Variants in BMAL1 observed in about 807,000 individuals in gnomAD.
The protein encoded by BMAL1 is basic helix-loop-helix ARNT like 1, also known as basic helix-loop-helix ARNT-like protein 1.
the BMAL1 span, among the ~76,000 whole-genome samples, chr11:13,298,565 A>C: frequency 6.6e-6 from 1 of 152,128 alleles, no homozygotes. Context: ...AGCTTGATGC[A>C]GGCAGGCACC....
the BMAL1 span, chr11:13,366,809 C>T: frequency 1.3e-6 from 2 of 1,588,908 alleles, no homozygotes; most frequent in South Asian, 1.1e-5. Context: ...CCTCGCATTT[C>T]CTCAGCAGCC....
At chr11:13,380,853 A>G in the BMAL1 span, 2 of 235,056 alleles carry the variant, frequency 8.5e-6, no homozygotes, top group Non-Finnish European at 1.7e-5. Context: ...GCTTGACTCT[A>G]GGGACTGCAT....
chr11:13,360,375 A>G, the BMAL1 span: 2 of 1,613,956 alleles, frequency 1.2e-6, no homozygotes, highest in Admixed American at 3.3e-5. Context: ...GAAGCAAACT[A>G]CAAACCAACT....
At chr11:13,342,189 G>C in the BMAL1 span, among the ~76,000 whole-genome samples, 1 of 152,326 alleles carries the variant, frequency 6.6e-6, no homozygotes, top group South Asian at 2.1e-4. Flanking sequence ...AAAAATTCCT[G>C]GTTCTGGGAC....
chr11:13,368,012 A>T, the BMAL1 span, among the ~76,000 whole-genome samples: 1 of 152,234 alleles, frequency 6.6e-6, no homozygotes, highest in Non-Finnish European at 1.5e-5. Context: ...ATCTCCTTCA[A>T]GTCATCTCTT....
the BMAL1 span, among the ~76,000 whole-genome samples, chr11:13,302,502 T>A: frequency 1.2e-4 from 19 of 152,362 alleles, no homozygotes; most frequent in African/African-American, 4.6e-4. Context: ...TTTGCTATGC[T>A]GAGGCACAAG....
At chr11:13,358,644 C>A in the BMAL1 span, 93 of 1,456,620 alleles carry the variant, frequency 6.4e-5, no homozygotes, top group Middle Eastern at 3.6e-3. Flanking sequence ...AATGTTACCA[C>A]CCTTGCCTAG....
At chr11:13,294,719 G>T in the BMAL1 span, among the ~76,000 whole-genome samples, 3 of 152,176 alleles carry the variant, frequency 2.0e-5, no homozygotes, top group African/African-American at 7.2e-5. Context: ...AATGAGTTTT[G>T]TGGGTTCCCT....
chr11:13,326,601 A>C, the BMAL1 span: 2 of 152,206 alleles, frequency 1.3e-5, no homozygotes, highest in Non-Finnish European at 2.9e-5. Flanking sequence ...ACAGCCAAAC[A>C]GACCCTGGAT....
At chr11:13,348,740 C>G in the BMAL1 span, among the ~76,000 whole-genome samples, 1 of 152,154 alleles carries the variant, frequency 6.6e-6, no homozygotes, top group Non-Finnish European at 1.5e-5. Context: ...TGCATGTGCC[C>G]AGACTGGGGT....
At chr11:13,313,908 T>C in the BMAL1 span, among the ~76,000 whole-genome samples, 1 of 134,838 alleles carries the variant, frequency 7.4e-6, no homozygotes, top group Non-Finnish European at 1.6e-5. Context: ...CACCCCACTT[T>C]GGGTTTTCCT....
At chr11:13,279,964 C>G in the BMAL1 span, among the ~76,000 whole-genome samples, 1 of 152,196 alleles carries the variant, frequency 6.6e-6, no homozygotes, top group East Asian at 1.9e-4. Context: ...TAGGCTTGGG[C>G]TCTCATGGCC....
chr11:13,340,380 T>C, the BMAL1 span, among the ~76,000 whole-genome samples: 2 of 152,374 alleles, frequency 1.3e-5, no homozygotes, highest in South Asian at 4.1e-4. Flanking sequence ...CCTTGCTTTC[T>C]ACATCTTATC....
At chr11:13,365,428 T>C in the BMAL1 span, 1 of 1,381,556 alleles carries the variant, frequency 7.2e-7, no homozygotes, top group South Asian at 1.2e-5. Flanking sequence ...ACATCCTCTA[T>C]TTGTTATCAG....
chr11:13,366,929 G>A, the BMAL1 span: 2 of 498,824 alleles, frequency 4.0e-6, no homozygotes, highest in East Asian at 6.7e-5. Flanking sequence ...AGCTATCTTT[G>A]GCTAAATGGA....
the BMAL1 span, chr11:13,350,099 C>T: frequency 6.6e-6 from 1 of 152,234 alleles, no homozygotes; most frequent in Non-Finnish European, 1.5e-5. Context: ...CTCCCTGCCC[C>T]CTGTGAACTC....
chr11:13,346,021 G>A, the BMAL1 span, among the ~76,000 whole-genome samples: 4 of 152,252 alleles, frequency 2.6e-5, no homozygotes, highest in East Asian at 3.9e-4. Flanking sequence ...TGGATGAGTC[G>A]GTCACCCTGG....
the BMAL1 span, among the ~76,000 whole-genome samples, chr11:13,296,349 C>T: frequency 0.017 from 2,636 of 152,254 alleles, 35 homozygotes; most frequent in African/African-American, 0.038. Context: ...AGTTCTTTGC[C>T]TCCTGAAGGG....
the BMAL1 span, chr11:13,380,203 T>C: frequency 4.6e-5 from 7 of 152,238 alleles, no homozygotes; most frequent in Admixed American, 4.6e-4. Context: ...AGCAGCCGTT[T>C]GTGCATGCTG....
Sources: allele counts gnomAD v4.1 joint callset (sites outside exome capture counted in the v4.1 genomes callset), GRCh38; gene constraint gnomAD v4.1.1; transcripts MANE v1.5; gene names NCBI Gene and HGNC (gene_info 2026-07-23, HGNC 2026-07-21).